Variants in TTC28 observed in about 807,000 individuals in gnomAD.
TTC28 encodes the protein tetratricopeptide repeat domain 28, also known as tetratricopeptide repeat protein 28.
A neutral mutation model predicts 198.0 loss-of-function variants in TTC28; 61 were observed. That is an observed-to-expected ratio of 0.31 (90% CI 0.25 to 0.38). The LOEUF (loss-of-function observed/expected upper bound fraction) is 0.38. Ranked by LOEUF, TTC28 falls within the 10% of genes least tolerant of loss-of-function variation. The pLI, the probability that TTC28 is intolerant of heterozygous loss-of-function variation, is 1.00. For synonymous variants in TTC28, 1,171 were observed against 1,297.8 expected (o/e 0.90, Z 2.10); for missense variants, 2,678 against 3,164.0 (o/e 0.85, Z 3.69).
intron 2 of TTC28, among the ~76,000 whole-genome samples, chr22:28,372,151 G>A (rs74277578): frequency 0.035 from 5,352 of 152,174 alleles, 174 homozygotes; most frequent in East Asian, 0.15. Context: ...AACAATGACA[G>A]ATGATAGATT....
intron 5 of TTC28, among the ~76,000 whole-genome samples, chr22:28,200,865 T>C (rs1399271325): frequency 6.6e-6 from 1 of 152,196 alleles, no homozygotes; most frequent in African/African-American, 2.4e-5. Context: ...TACTTGGATT[T>C]ATAAGCAGAA....
rs1435116491 is a variant in TTC28, at chr22:27,992,590, G to A, written c.5550C>T (p.Ser1850=). 4 of 1,551,292 alleles carry A rather than the reference G, an allele frequency of 2.6e-6. No homozygotes were observed. The highest frequency in any genetic ancestry group is 3.5e-6 in the Non-Finnish European group (4 of 1,146,960). Residue 1850 remains serine, a synonymous_variant, in exon 19 of 23, where the codon AGC becomes AGT. Transcript: ENST00000397906. The stretch of plus-strand genomic sequence containing the variant: ...CAGCCCTCCAGGCTCGACTTACCCG[G>A]CTGATGAGCTGCTCGCCCGTCTCGG... ...TASETGEQLI[S]RAVKNMVGML...
chr22:28,434,658 C>T (rs1478941386), intron 2 of TTC28, among the ~76,000 whole-genome samples: 1 of 152,184 alleles, frequency 6.6e-6, no homozygotes, highest in African/African-American at 2.4e-5. Context: ...AACAGTCTTA[C>T]TTATGCCTGA....
chr22:28,434,826 G>A (rs138132764), intron 2 of TTC28, among the ~76,000 whole-genome samples: 4 of 152,062 alleles, frequency 2.6e-5, no homozygotes, highest in South Asian at 2.1e-4. Flanking sequence ...AAGACCTCCC[G>A]GCTCCCAACT....
intron 5 of TTC28, among the ~76,000 whole-genome samples, chr22:28,241,386 A>C (rs945111002): frequency 1.3e-5 from 2 of 152,128 alleles, no homozygotes; most frequent in Non-Finnish European, 2.9e-5. Context: ...TAAATGCAAA[A>C]TCTAATCCTG....
chr22:28,460,451 A>G (rs2047931163), intron 2 of TTC28, among the ~76,000 whole-genome samples: 1 of 151,798 alleles, frequency 6.6e-6, no homozygotes, highest in African/African-American at 2.4e-5. Flanking sequence ...ATTTTTTTCC[A>G]ACTCACATGA....
intron 5 of TTC28, among the ~76,000 whole-genome samples, chr22:28,292,254 C>T (rs1053856869): frequency 1.1e-4 from 17 of 152,286 alleles, no homozygotes; most frequent in African/African-American, 4.1e-4. Context: ...ATGGTGTGAA[C>T]TTGGCCCACT....
At chr22:28,534,490 T>C (rs532849074) in intron 2 of TTC28, among the ~76,000 whole-genome samples, 8 of 152,238 alleles carry the variant, frequency 5.3e-5, no homozygotes, top group Non-Finnish European at 8.8e-5. Flanking sequence ...TCAACCATTG[T>C]GGAAGACAGT....
In TTC28 at chr22:28,324,394, A is replaced by G. The variant is rs943385139; in HGVS notation, c.382-17751T>C. 7.3e-5 allele frequency among the ~76,000 whole-genome samples: 11 copies of G among 151,250 alleles called. No homozygotes were observed. In the Admixed American group the frequency reaches 7.3e-4, roughly 10 times the overall value. On this transcript the variant is annotated intron_variant, in intron 2 of 22. Coordinates refer to ENST00000397906, the MANE Select transcript of TTC28 (RefSeq NM_001145418.2). ...CCTCCCTAACTCATTTTATGAGGCC[A>G]GCATCATCCTGATACCAAAACCTGG...
At chr22:28,326,547 T>C (rs1303845) in intron 2 of TTC28, among the ~76,000 whole-genome samples, 29,163 of 152,124 alleles carry the variant, frequency 0.19, 3,321 homozygotes, top group Non-Finnish European at 0.25. Context: ...TTTCACAGCA[T>C]TGGCATGTGA....
intron 12 of TTC28, among the ~76,000 whole-genome samples, chr22:28,093,149 T>A (rs1345279502): frequency 1.3e-5 from 2 of 152,186 alleles, no homozygotes. Context: ...ATTAAATTAT[T>A]CAATAATCAT....
At chr22:28,358,035 A>G (rs943656619) in intron 2 of TTC28, among the ~76,000 whole-genome samples, 2 of 152,246 alleles carry the variant, frequency 1.3e-5, no homozygotes, top group African/African-American at 4.8e-5. Context: ...CATACTTTAT[A>G]TAATTCAGTC....
intron 2 of TTC28, among the ~76,000 whole-genome samples, chr22:28,420,034 A>G (rs189202580): frequency 6.6e-6 from 1 of 152,284 alleles, no homozygotes; most frequent in East Asian, 1.9e-4. Flanking sequence ...AGCAAGTTTG[A>G]TTTTGAAAAG....
chr22:28,164,276 T>G (rs1195570207), intron 5 of TTC28, among the ~76,000 whole-genome samples: 1 of 152,192 alleles, frequency 6.6e-6, no homozygotes, highest in Non-Finnish European at 1.5e-5. Flanking sequence ...TGTCCCTGTC[T>G]GACAGCTTTG....
At chr22:28,117,580 G>A (rs567964741) in intron 6 of TTC28, among the ~76,000 whole-genome samples, 1 of 152,166 alleles carries the variant, frequency 6.6e-6, no homozygotes, top group Non-Finnish European at 1.5e-5. Context: ...AATTACCTTG[G>A]ACCTACACAG....
At chr22:28,165,035 A>C (rs979919681) in intron 5 of TTC28, among the ~76,000 whole-genome samples, 3 of 152,246 alleles carry the variant, frequency 2.0e-5, no homozygotes, top group African/African-American at 7.2e-5. Context: ...ATGAATGCAC[A>C]AGCCTCAGTA....
At chr22:28,661,714 T>G (rs760916530) in intron 1 of TTC28, among the ~76,000 whole-genome samples, 16 of 151,420 alleles carry the variant, frequency 1.1e-4, no homozygotes, top group Non-Finnish European at 1.9e-4. Context: ...GTTCAAGCAA[T>G]TATCCTACCT....
intron 2 of TTC28, among the ~76,000 whole-genome samples, chr22:28,543,294 T>C (rs898464860): frequency 1.3e-5 from 2 of 151,938 alleles, no homozygotes; most frequent in African/African-American, 4.8e-5. Context: ...GCCATAATTA[T>C]GCCACTGTAC....
intron 12 of TTC28, among the ~76,000 whole-genome samples, chr22:28,063,529 C>A (rs189238141): frequency 6.6e-6 from 1 of 152,168 alleles, no homozygotes; most frequent in Non-Finnish European, 1.5e-5. Flanking sequence ...ATTTCCCCCA[C>A]CCTGCCCCAC....
Sources: allele counts gnomAD v4.1 joint callset (sites outside exome capture counted in the v4.1 genomes callset), GRCh38; gene constraint gnomAD v4.1.1; transcripts MANE v1.5; gene names NCBI Gene and HGNC (gene_info 2026-07-23, HGNC 2026-07-21).